The following RBFOX2 variants were observed in gnomAD, a reference collection of about 807,000 sequenced individuals.
RBFOX2 encodes the protein RNA binding fox-1 homolog 2.
RBFOX2 carries 10 observed loss-of-function variants against 49.1 expected under a neutral mutation model. The ratio of observed to expected loss-of-function variants is 0.20; its 90% CI spans 0.13 to 0.35. The LOEUF is 0.35. RBFOX2 is among the 10% of genes least tolerant of loss of function. The pLI is 1.00. For synonymous variants in RBFOX2, 183 were observed against 187.4 expected, an observed-to-expected ratio of 0.98 and a Z score of 0.19; for missense variants, 323 against 486.9, an observed-to-expected ratio of 0.66 and a Z score of 3.17.
intron 1 of RBFOX2, among the ~76,000 whole-genome samples, chr22:35,829,121 C>T (rs947282195): frequency 1.2e-4 from 18 of 152,096 alleles, no homozygotes; most frequent in African/African-American, 1.7e-4. Context: ...TTCTAAGAAA[C>T]GCAGTTGTGC....
At chr22:35,804,887 G>C (rs1950420560) in intron 2 of RBFOX2, among the ~76,000 whole-genome samples, 1 of 152,100 alleles carries the variant, frequency 6.6e-6, no homozygotes, top group East Asian at 1.9e-4. Context: ...AAAAGCCACA[G>C]ACTGGGAGAA....
intron 2 of RBFOX2, among the ~76,000 whole-genome samples, chr22:35,792,659 T>C (rs544611971): frequency 2.0e-5 from 3 of 152,320 alleles, no homozygotes; most frequent in Non-Finnish European, 4.4e-5. Flanking sequence ...AAATGAGCAT[T>C]GGAGTTCTAA....
exon 12 of RBFOX2, chr22:35,739,733 G>A (rs771925292): frequency 6.6e-6 from 1 of 152,534 alleles, no homozygotes; most frequent in Non-Finnish European, 1.5e-5. Context: ...AAGGGCAGGG[G>A]GTGGGGAGAG....
intron 1 of RBFOX2, among the ~76,000 whole-genome samples, chr22:35,947,721 C>T (rs1299071858): frequency 2.3e-5 from 3 of 130,192 alleles, no homozygotes; most frequent in Non-Finnish European, 5.0e-5. Flanking sequence ...TTAAAAAAAC[C>T]TTATAGAATA....
chr22:35,932,614 T>A (rs1356597407), intron 1 of RBFOX2, among the ~76,000 whole-genome samples: 1 of 152,188 alleles, frequency 6.6e-6, no homozygotes, highest in Non-Finnish European at 1.5e-5. Flanking sequence ...CGCGTGGTGG[T>A]TCACATCTGT....
At chr22:35,883,854 A>C (rs1353901450) in intron 1 of RBFOX2, among the ~76,000 whole-genome samples, 1 of 152,088 alleles carries the variant, frequency 6.6e-6, no homozygotes, top group Non-Finnish European at 1.5e-5. Flanking sequence ...ATCGCCTCAA[A>C]GTCCCATTTT....
chr22:36,003,000 A>G (rs910311327), intron 1 of RBFOX2, among the ~76,000 whole-genome samples: 1 of 152,166 alleles, frequency 6.6e-6, no homozygotes, highest in East Asian at 1.9e-4. Context: ...ACTTTCTTCA[A>G]AAGACCTTCC....
At chr22:35,824,639 AGAAAGG>A (rs1955246591) in intron 1 of RBFOX2, among the ~76,000 whole-genome samples, 1 of 152,224 alleles carries the variant, frequency 6.6e-6, no homozygotes, top group African/African-American at 2.4e-5. Context: ...TCTCAACTTA[AGAAAGG>A]TGGCCTGCGG....
chr22:35,873,900 C>T (rs563144236), intron 1 of RBFOX2, among the ~76,000 whole-genome samples: 6 of 152,200 alleles, frequency 3.9e-5, no homozygotes, highest in Non-Finnish European at 8.8e-5. Context: ...AGGTTGGTCT[C>T]GAACTCCTGG....
At chr22:35,861,496 T>C (rs2043087987) in intron 1 of RBFOX2, among the ~76,000 whole-genome samples, 2 of 151,808 alleles carry the variant, frequency 1.3e-5, no homozygotes, top group Non-Finnish European at 2.9e-5. Flanking sequence ...GCAAAAAAAA[T>C]GAACACCTGA....
At chr22:35,812,511 T>C (rs1315524163) in intron 1 of RBFOX2, among the ~76,000 whole-genome samples, 1 of 152,154 alleles carries the variant, frequency 6.6e-6, no homozygotes, top group East Asian at 1.9e-4. Context: ...TGTCTCTCTC[T>C]AGCCATATGA....
intron 1 of RBFOX2, among the ~76,000 whole-genome samples, chr22:35,904,621 A>G (rs546917410): frequency 2.0e-5 from 3 of 152,332 alleles, no homozygotes; most frequent in Admixed American, 2.0e-4. Flanking sequence ...GTCAATATGA[A>G]AAGGCAGTTC....
chr22:35,951,110 C>T (rs561498854), intron 1 of RBFOX2, among the ~76,000 whole-genome samples: 6 of 151,636 alleles, frequency 4.0e-5, no homozygotes, highest in South Asian at 2.1e-4. Flanking sequence ...CGTGCCACCA[C>T]GCCCAGCTAA....
chr22:35,811,736 G>A (rs1381739928), intron 1 of RBFOX2, among the ~76,000 whole-genome samples: 1 of 152,136 alleles, frequency 6.6e-6, no homozygotes, highest in Non-Finnish European at 1.5e-5. Flanking sequence ...GGCTGAGATG[G>A]GAGGACTGCC....
intron 1 of RBFOX2, among the ~76,000 whole-genome samples, chr22:35,973,751 CAGA>C (rs2057003024): frequency 6.6e-6 from 1 of 152,164 alleles, no homozygotes; most frequent in Non-Finnish European, 1.5e-5. Flanking sequence ...ATTTCACATC[CAGA>C]AGAAGAGAAA....
At chr22:35,961,042 G>C (rs905652227) in intron 1 of RBFOX2, among the ~76,000 whole-genome samples, 6 of 151,808 alleles carry the variant, frequency 4.0e-5, no homozygotes, top group African/African-American at 1.2e-4. Context: ...CATATGTTCA[G>C]AACAACTGTC....
At chr22:36,001,801 C>A (rs150433531) in intron 1 of RBFOX2, among the ~76,000 whole-genome samples, 2 of 148,948 alleles carry the variant, frequency 1.3e-5, no homozygotes, top group African/African-American at 2.5e-5. Context: ...TGGTGGCTCA[C>A]GCCTGTAATC....
chr22:36,007,339 C>T (rs2058657304), intron 1 of RBFOX2, among the ~76,000 whole-genome samples: 1 of 151,658 alleles, frequency 6.6e-6, no homozygotes, highest in Admixed American at 6.6e-5. Flanking sequence ...CAATGTCATA[C>T]ACAAAATCAA....
At position 35,982,447 on chromosome 22, in the gene RBFOX2, T is replaced by G. The variant is rs970877720; in HGVS notation, c.187-43550A>C. Among the ~76,000 whole-genome samples the G allele has an allele frequency of 2.6e-5, 4 of 152,046 alleles. No homozygotes were observed. In the East Asian group the frequency reaches 7.7e-4, roughly 29 times the overall value. Reference sequence around the variant, plus strand: ...TAGGTCTTGTTGGTACCAGTCTCCCTACTACACTGGGAGCCCCTGAGGTCA... The same window carrying G: ...TAGGTCTTGTTGGTACCAGTCTCCCGACTACACTGGGAGCCCCTGAGGTCA... On this transcript the variant is annotated intron_variant, in intron 1 of 13. Coordinates refer to the RBFOX2 transcript ENST00000438146.
Sources: gnomAD v4.1 joint callset for allele counts (sites outside exome capture counted in the v4.1 genomes callset) on GRCh38, gnomAD v4.1.1 for gene constraint, MANE v1.5 for transcripts, NCBI Gene and HGNC (gene_info 2026-07-23, HGNC 2026-07-21) for gene names.